The following SPIRE1 variants were observed in gnomAD, a reference collection of about 807,000 sequenced individuals.
SPIRE1 encodes protein spire homolog 1.
A neutral mutation model predicts 94.1 loss-of-function variants in SPIRE1; 40 were observed. The ratio of observed to expected loss-of-function variants is 0.43; its 90% CI spans 0.33 to 0.55. SPIRE1 has a LOEUF of 0.55. Ranked by LOEUF, SPIRE1 falls within the 20% of genes least tolerant of loss-of-function variation. SPIRE1 has a pLI of 0.06. For missense variants in SPIRE1, 838 were observed against 975.2 expected, an observed-to-expected ratio of 0.86 and a Z score of 1.87; for synonymous variants, 376 against 371.7, an observed-to-expected ratio of 1.01 and a Z score of -0.13.
At chr18:12,610,550 G>T (rs1030567642) in intron 2 of SPIRE1, among the ~76,000 whole-genome samples, 4 of 152,212 alleles carry the variant, frequency 2.6e-5, no homozygotes, top group Middle Eastern at 3.4e-3. Flanking sequence ...CATTTGGACA[G>T]ACCACACACT....
intron 4 of SPIRE1, among the ~76,000 whole-genome samples, chr18:12,514,230 AGACT>A (rs775791566): frequency 6.6e-6 from 1 of 152,136 alleles, no homozygotes; most frequent in Non-Finnish European, 1.5e-5. Flanking sequence ...TCAAATATCC[AGACT>A]GAATCACCTC....
chr18:12,537,876 T>A (rs1036716519), intron 3 of SPIRE1, among the ~76,000 whole-genome samples: 1 of 152,142 alleles, frequency 6.6e-6, no homozygotes, highest in Non-Finnish European at 1.5e-5. Context: ...CAGAAAGACA[T>A]CTTGTACTCA....
At chr18:12,506,111 C>T (rs985002495) in intron 6 of SPIRE1, among the ~76,000 whole-genome samples, 3 of 152,038 alleles carry the variant, frequency 2.0e-5, no homozygotes, top group Non-Finnish European at 4.4e-5. Context: ...AAACTATTTT[C>T]AACAAATGCA....
intron 7 of SPIRE1, among the ~76,000 whole-genome samples, chr18:12,494,838 C>A (rs1014629554): frequency 9.3e-3 from 296 of 31,954 alleles, no homozygotes; most frequent in South Asian, 0.022. Context: ...GACTCCATCT[C>A]AAAAAAAAAA....
At chr18:12,478,687 G>A (rs530737339) in intron 10 of SPIRE1, among the ~76,000 whole-genome samples, 10 of 152,128 alleles carry the variant, frequency 6.6e-5, no homozygotes, top group African/African-American at 2.4e-4. Flanking sequence ...AGGGAGAAGG[G>A]AGGGAAGAAG....
At chr18:12,590,934 T>A (rs1004005105) in intron 2 of SPIRE1, among the ~76,000 whole-genome samples, 1 of 152,208 alleles carries the variant, frequency 6.6e-6, no homozygotes, top group African/African-American at 2.4e-5. Context: ...CTATAAACAA[T>A]ATATAGTCAT....
intron 2 of SPIRE1, among the ~76,000 whole-genome samples, chr18:12,614,069 G>A (rs2037217533): frequency 6.6e-6 from 1 of 152,144 alleles, no homozygotes; most frequent in African/African-American, 2.4e-5. Context: ...AGACCAGCCA[G>A]GACAACAAAG....
intron 7 of SPIRE1, among the ~76,000 whole-genome samples, 172 bp downstream of exon 7, chr18:12,495,844 G>A (rs2033436678): frequency 6.6e-6 from 1 of 152,218 alleles, no homozygotes; most frequent in African/African-American, 2.4e-5. Flanking sequence ...GGGTGACACA[G>A]TGAAACTCTG....
chr18:12,470,259 G>A (rs1052800464), intron 10 of SPIRE1, among the ~76,000 whole-genome samples: 2 of 152,148 alleles, frequency 1.3e-5, no homozygotes, highest in Admixed American at 6.6e-5. Flanking sequence ...TGTGTGGCCA[G>A]TATATTAATT....
At chr18:12,578,952 A>C (rs1210419524) in intron 2 of SPIRE1, among the ~76,000 whole-genome samples, 1 of 152,232 alleles carries the variant, frequency 6.6e-6, no homozygotes, top group Non-Finnish European at 1.5e-5. Context: ...AATTTGCAGC[A>C]ATAATCAGCT....
intron 16 of SPIRE1, among the ~76,000 whole-genome samples, 170 bp downstream of exon 16, chr18:12,452,085 A>G (rs953898806): frequency 2.0e-5 from 3 of 152,214 alleles, no homozygotes; most frequent in African/African-American, 7.2e-5. Context: ...TATTCCTTGA[A>G]AAGTTACCTT....
chr18:12,478,819 T>C (rs545647786), intron 10 of SPIRE1, among the ~76,000 whole-genome samples: 45 of 152,202 alleles, frequency 3.0e-4, no homozygotes, highest in African/African-American at 1.1e-3. Context: ...CATTAGCATA[T>C]AGGTGGATGT....
intron 6 of SPIRE1, among the ~76,000 whole-genome samples, chr18:12,496,738 G>A (rs1374393838): frequency 8.6e-5 from 13 of 151,942 alleles, no homozygotes; most frequent in African/African-American, 2.7e-4. Flanking sequence ...GCGTGGTGGC[G>A]GGCACCTGTA....
At chr18:12,478,444 G>GTGAAGCGAGGGTGTGTATGTGTGTT (rs1463289842) in intron 10 of SPIRE1, among the ~76,000 whole-genome samples, 1 of 151,636 alleles carries the variant, frequency 6.6e-6, no homozygotes, top group African/African-American at 2.4e-5. Flanking sequence ...GTATGTGTGT[G>GTGAAGCGAGGGTGTGTATGTGTGTT]TGTAGCTAGG....
intron 2 of SPIRE1, among the ~76,000 whole-genome samples, chr18:12,571,998 G>C (rs544587155): frequency 6.6e-6 from 1 of 152,252 alleles, no homozygotes; most frequent in African/African-American, 2.4e-5. Flanking sequence ...CTCACTAAGA[G>C]AGTAAAGTTT....
upstream of SPIRE1, among the ~76,000 whole-genome samples, chr18:12,660,074 A>G (rs936100706): frequency 3.9e-5 from 6 of 152,324 alleles, no homozygotes; most frequent in South Asian, 1.0e-3. Context: ...TGCCCATTGC[A>G]CTTGGACAAC....
At position 12,618,635 on chromosome 18, in the gene SPIRE1, C is replaced by T. The variant is rs1352980008; in HGVS notation, c.372+16427G>A. ...AAGAGAAAATTATCCTAAAGGGAAA[C>T]AAAAACCGCTCCAAATTCAGTTACA... is the stretch of plus-strand genomic sequence containing the variant. On this transcript the variant is annotated intron_variant, in intron 2 of 16. Transcript: ENST00000409402. 7.2e-5 allele frequency among the ~76,000 whole-genome samples: 11 copies of T among 152,054 alleles called. No homozygotes were observed. The South Asian group carries it at 1.9e-3, about 26-fold the overall frequency.
chr18:12,633,253 G>C (rs2037830552), intron 2 of SPIRE1, among the ~76,000 whole-genome samples: 1 of 152,084 alleles, frequency 6.6e-6, no homozygotes, highest in Non-Finnish European at 1.5e-5. Flanking sequence ...TTAAGTTCTT[G>C]CCTTTTTAGA....
At chr18:12,492,056 T>C (rs2033252949) in intron 8 of SPIRE1, among the ~76,000 whole-genome samples, 1 of 152,172 alleles carries the variant, frequency 6.6e-6, no homozygotes, top group Non-Finnish European at 1.5e-5. Context: ...ATGATAAGGC[T>C]CTATCTAGCA....
Sources: gnomAD v4.1 joint callset for allele counts (sites outside exome capture counted in the v4.1 genomes callset) on GRCh38, gnomAD v4.1.1 for gene constraint, MANE v1.5 for transcripts, NCBI Gene and HGNC (gene_info 2026-07-23, HGNC 2026-07-21) for gene names.